The following POU6F2 variants were observed in gnomAD, a reference collection of about 807,000 sequenced individuals.
The protein encoded by POU6F2 is POU class 6 homeobox 2, also known as POU domain, class 6, transcription factor 2.
POU6F2 carries 31 observed loss-of-function variants against 71.3 expected under a neutral mutation model. The observed-to-expected ratio is 0.43, with a 90% CI of 0.33 to 0.59. POU6F2 has a LOEUF of 0.59. Ranked by LOEUF, POU6F2 falls within the 20% of genes least tolerant of loss-of-function variation. POU6F2 has a pLI of 0.04. For synonymous variants in POU6F2, 347 were observed against 355.7 expected (o/e 0.98, Z 0.27); for missense variants, 783 against 856.8 (o/e 0.91, Z 1.07).
At chr7:39,139,309 G>T (rs538580794) in intron 2 of POU6F2, among the ~76,000 whole-genome samples, 4 of 152,172 alleles carry the variant, frequency 2.6e-5, no homozygotes, top group Non-Finnish European at 5.9e-5. Context: ...CAGAGAGGCA[G>T]CATCTAGGGA....
intron 4 of POU6F2, among the ~76,000 whole-genome samples, chr7:39,252,928 A>G (rs1783955795): frequency 6.6e-6 from 1 of 152,138 alleles, no homozygotes; most frequent in Non-Finnish European, 1.5e-5. Flanking sequence ...TTCCCTGAGT[A>G]TTTGTCCATT....
chr7:39,388,459 G>A (rs1264543232), intron 5 of POU6F2, among the ~76,000 whole-genome samples: 2 of 152,060 alleles, frequency 1.3e-5, no homozygotes, highest in African/African-American at 4.8e-5. Context: ...GAGACTACAG[G>A]CTCCCGCCAC....
At chr7:38,983,562 A>T (rs1384511650) in intron 1 of POU6F2, among the ~76,000 whole-genome samples, 1 of 152,158 alleles carries the variant, frequency 6.6e-6, no homozygotes, top group Non-Finnish European at 1.5e-5. Flanking sequence ...TTTCTTCTGC[A>T]TCTCAATTTG....
At chr7:39,195,185 G>C (rs1793760623) in intron 2 of POU6F2, among the ~76,000 whole-genome samples, 1 of 152,160 alleles carries the variant, frequency 6.6e-6, no homozygotes. Flanking sequence ...ACTGCACTGT[G>C]AAATCTCAAA....
At chr7:39,294,011 T>C (rs1254425450) in intron 4 of POU6F2, among the ~76,000 whole-genome samples, 1 of 152,074 alleles carries the variant, frequency 6.6e-6, no homozygotes, top group Admixed American at 6.5e-5. Flanking sequence ...TTAAACCCTT[T>C]TGGTATTAAA....
intron 9 of POU6F2, among the ~76,000 whole-genome samples, chr7:39,463,550 A>G (rs1160424705): frequency 6.6e-6 from 1 of 152,180 alleles, no homozygotes; most frequent in Non-Finnish European, 1.5e-5. Flanking sequence ...GAAAAAGGGC[A>G]TGTTGTTAAC....
At chr7:39,444,815 C>T (rs1788485972) in intron 7 of POU6F2, among the ~76,000 whole-genome samples, 1 of 152,122 alleles carries the variant, frequency 6.6e-6, no homozygotes, top group South Asian at 2.1e-4. Context: ...TTAGTAGTTT[C>T]TTCATAAGCC....
intron 7 of POU6F2, among the ~76,000 whole-genome samples, chr7:39,441,776 G>A (rs1490973277): frequency 6.6e-6 from 1 of 152,210 alleles, no homozygotes; most frequent in East Asian, 1.9e-4. Flanking sequence ...AGTGAGTTAA[G>A]AAGTAAGAGG....
intron 2 of POU6F2, among the ~76,000 whole-genome samples, chr7:39,167,528 G>C (rs1273879858): frequency 6.6e-6 from 1 of 152,132 alleles, no homozygotes; most frequent in Non-Finnish European, 1.5e-5. Flanking sequence ...AGGTCATCCA[G>C]AAATGGAATT....
chr7:39,324,788 C>CT (rs1785475317), intron 4 of POU6F2, among the ~76,000 whole-genome samples: 1 of 152,156 alleles, frequency 6.6e-6, no homozygotes, highest in South Asian at 2.1e-4. Context: ...TATTGTATTG[C>CT]TTTTTATGAA....
chr7:39,435,795 A>G (rs952603190), intron 7 of POU6F2, among the ~76,000 whole-genome samples: 1 of 152,176 alleles, frequency 6.6e-6, no homozygotes, highest in Non-Finnish European at 1.5e-5. Context: ...TCTTGAGGTA[A>G]TTTTTATATA....
At chr7:39,200,170 G>C (rs1365575802) in intron 2 of POU6F2, among the ~76,000 whole-genome samples, 5 of 152,214 alleles carry the variant, frequency 3.3e-5, no homozygotes, top group Non-Finnish European at 5.9e-5. Flanking sequence ...AAAACGGATT[G>C]CATATGGCAG....
intron 4 of POU6F2, among the ~76,000 whole-genome samples, chr7:39,242,745 C>T (rs1249064117): frequency 2.0e-5 from 3 of 152,086 alleles, no homozygotes; most frequent in African/African-American, 7.2e-5. Context: ...TTGCACTGTG[C>T]CTGCCAGTAT....
chr7:39,449,568 A>G (rs1788607289), intron 7 of POU6F2, among the ~76,000 whole-genome samples: 1 of 152,196 alleles, frequency 6.6e-6, no homozygotes, highest in African/African-American at 2.4e-5. Context: ...ATGCATTTAT[A>G]GTATGATCCA....
chr7:39,053,754 A>G (rs1396084848), intron 1 of POU6F2, among the ~76,000 whole-genome samples: 1 of 152,066 alleles, frequency 6.6e-6, no homozygotes, highest in African/African-American at 2.4e-5. Context: ...TGAAGTACTA[A>G]CATGTCTCTG....
At chr7:39,201,582 A>G (rs1460215688) in intron 2 of POU6F2, among the ~76,000 whole-genome samples, 1 of 152,214 alleles carries the variant, frequency 6.6e-6, no homozygotes, top group Non-Finnish European at 1.5e-5. Context: ...TGCTGCCTCA[A>G]AAGCATAGGC....
At chr7:39,185,139 G>C (rs921183095) in intron 2 of POU6F2, among the ~76,000 whole-genome samples, 2 of 151,996 alleles carry the variant, frequency 1.3e-5, no homozygotes, top group African/African-American at 2.4e-5. Context: ...GTTACCTAAA[G>C]AAGTTATGAT....
chr7:39,045,193 A>G (rs1409471958), intron 1 of POU6F2, among the ~76,000 whole-genome samples: 1 of 151,944 alleles, frequency 6.6e-6, no homozygotes, highest in African/African-American at 2.4e-5. Flanking sequence ...AGCATCGCGA[A>G]TTCGCATCCC....
chr7:39,246,237 T>A (rs1427686385), intron 4 of POU6F2, among the ~76,000 whole-genome samples: 1 of 152,178 alleles, frequency 6.6e-6, no homozygotes, highest in Non-Finnish European at 1.5e-5. Flanking sequence ...GGCATGGTGA[T>A]GGGCACTGGG....
Sources: gnomAD v4.1 joint callset for allele counts (sites outside exome capture counted in the v4.1 genomes callset) on GRCh38, gnomAD v4.1.1 for gene constraint, MANE v1.5 for transcripts, NCBI Gene and HGNC (gene_info 2026-07-23, HGNC 2026-07-21) for gene names.